Variants in NLRP1 observed in about 807,000 individuals in gnomAD.
NLRP1 encodes NACHT, LRR and PYD domains-containing protein 1.
Under a neutral mutation model 136.7 loss-of-function variants are expected in NLRP1, and 94 were observed. That is an observed-to-expected ratio of 0.69 (90% CI 0.58 to 0.82). NLRP1 has a LOEUF of 0.82. NLRP1 is among the 40% of genes least tolerant of loss of function. NLRP1 has a pLI of 0.00. For missense variants in NLRP1, 1,575 were observed against 1,802.7 expected, an observed-to-expected ratio of 0.87 and a Z score of 2.29; for synonymous variants, 690 against 725.1, an observed-to-expected ratio of 0.95 and a Z score of 0.78.
At chr17:5,568,330 T>C (rs1915536970) in intron 3 of NLRP1, among the ~76,000 whole-genome samples, 1 of 152,202 alleles carries the variant, frequency 6.6e-6, no homozygotes, top group African/African-American at 2.4e-5. Context: ...GCTGGATCCA[T>C]TCTGCTATGA....
At chr17:5,544,175 A>T (rs1369138585) in intron 5 of NLRP1, among the ~76,000 whole-genome samples, 1 of 151,928 alleles carries the variant, frequency 6.6e-6, no homozygotes, top group African/African-American at 2.4e-5. Context: ...TGGGGCCCCC[A>T]CTCAACCTCA....
At position 5,527,850 on chromosome 17, in the gene NLRP1, C is replaced by T. The variant is rs1168323787; in HGVS notation, c.3520+2631G>A. Among the ~76,000 whole-genome samples, 4 of 152,236 alleles carry T rather than the reference C, an allele frequency of 2.6e-5. No homozygotes were observed. In the East Asian group the frequency reaches 7.7e-4, roughly 29 times the overall value. On this transcript the variant is annotated intron_variant, in intron 12 of 16. Coordinates refer to ENST00000572272, the MANE Select transcript of NLRP1 (RefSeq NM_033004.4). ...ACCCAATTCCTTGGACAAATCCCGT[C>T]TCCCAGGCCCACTTGATGCACGCAG... is the stretch of plus-strand genomic sequence containing the variant.
chr17:5,555,459 G>A (rs1913926612), intron 4 of NLRP1, among the ~76,000 whole-genome samples: 1 of 151,984 alleles, frequency 6.6e-6, no homozygotes, highest in South Asian at 2.1e-4. Flanking sequence ...CTTTCCCACG[G>A]CATTCTCTTA....
intron 3 of NLRP1, among the ~76,000 whole-genome samples, chr17:5,575,350 C>A (rs975821116): frequency 6.6e-6 from 1 of 152,124 alleles, no homozygotes; most frequent in South Asian, 2.1e-4. Flanking sequence ...AGAGTCAAGA[C>A]CCATCAGTGT....
chr17:5,576,267 AC>A (rs1170703782), intron 3 of NLRP1, among the ~76,000 whole-genome samples: 1 of 152,244 alleles, frequency 6.6e-6, no homozygotes, highest in African/African-American at 2.4e-5. Context: ...GCAAGAAATA[AC>A]TAAGATCAGA....
At chr17:5,570,390 G>A (rs967273439) in intron 3 of NLRP1, among the ~76,000 whole-genome samples, 6 of 151,310 alleles carry the variant, frequency 4.0e-5, no homozygotes, top group Admixed American at 3.3e-4. Flanking sequence ...AAAAAAGACA[G>A]AAGATCCAAA....
intron 5 of NLRP1, among the ~76,000 whole-genome samples, chr17:5,542,924 G>A (rs1018869331): frequency 7.2e-5 from 11 of 152,070 alleles, no homozygotes; most frequent in Non-Finnish European, 1.2e-4. Flanking sequence ...CCGCGCCCTG[G>A]GTTCAAGTGA....
At chr17:5,571,613 A>G (rs79872695) in intron 3 of NLRP1, among the ~76,000 whole-genome samples, 2,987 of 152,280 alleles carry the variant, frequency 0.02, 48 homozygotes, top group East Asian at 0.082. Context: ...ACACACACAA[A>G]TGGAAAACAT....
chr17:5,559,823 G>T lies in NLRP1; in HGVS notation c.873C>A (p.Ser291Arg). Residue 291 changes from serine (S) to arginine (R), a missense_variant, in exon 4 of 17, where the codon AGC becomes AGA. Transcript: ENST00000572272. ...LLLLQRPHPR[S>R]QDPLVKRSWP... ...AGCTTCTCTTGACCAGGGGATCTTGGCTTCTGGGGTGAGGTCTTTGTAGAA... is the reference window on the plus strand; with the variant it reads ...AGCTTCTCTTGACCAGGGGATCTTGTCTTCTGGGGTGAGGTCTTTGTAGAA... The T allele has an allele frequency of 1.2e-6, 2 of 1,614,220 alleles. No individual in the cohort carries two copies. The highest frequency in any genetic ancestry group is 1.7e-6 in the Non-Finnish European group (2 of 1,180,030).
chr17:5,559,139 C>G lies in NLRP1; in HGVS notation c.1557G>C (p.Val519=). ...SNKELWALCL[V]PWVSWLACTC... ...TGCAGGCCAGCCAGGACACCCAGGG[C>G]ACAAGACACAGGGCCCAGAGCTCTT... Residue 519 remains valine (V), a synonymous_variant, in exon 4 of 17, where the codon GTG becomes GTC. Transcript: ENST00000572272. The G allele has an allele frequency of 6.2e-7, 1 of 1,614,174 alleles. No individual in the cohort carries two copies. Among genetic ancestry groups the G allele is most frequent in the South Asian group, 1.1e-5 (1 of 91,080 alleles).
At chr17:5,552,355 A>G (rs1343696293) in intron 5 of NLRP1, among the ~76,000 whole-genome samples, 2 of 152,176 alleles carry the variant, frequency 1.3e-5, no homozygotes, top group Non-Finnish European at 2.9e-5. Context: ...TGGTCAGAGA[A>G]TATACTTTGT....
intron 3 of NLRP1, among the ~76,000 whole-genome samples, chr17:5,564,544 T>C (rs1382924656): frequency 1.3e-5 from 2 of 152,190 alleles, no homozygotes; most frequent in African/African-American, 2.4e-5. Context: ...TTCTCTTTGA[T>C]GGCTGAATAG....
chr17:5,506,902 C>CAAAAAAAAAAAAAAAAAA (rs199684717), intron 15 of NLRP1, among the ~76,000 whole-genome samples: 1 of 88,788 alleles, frequency 1.1e-5, no homozygotes, highest in African/African-American at 3.6e-5. Context: ...AACTCCATCT[C>CAAAAAAAAAAAAAAAAAA]AAAAAAAAAA....
At chr17:5,521,287 G>A (rs11653450) in intron 13 of NLRP1, among the ~76,000 whole-genome samples, 8,975 of 152,240 alleles carry the variant, frequency 0.059, 317 homozygotes, top group Middle Eastern at 0.099. Flanking sequence ...GACAGGGGCC[G>A]TAAGAAACTG....
At chr17:5,529,848 G>A in intron 12 of NLRP1, 1 of 376,848 alleles carries the variant, frequency 2.7e-6, no homozygotes, top group South Asian at 2.0e-5. Context: ...ACTGATTCTG[G>A]TATCTGTCGT....
intron 4 of NLRP1, among the ~76,000 whole-genome samples, chr17:5,556,405 GAT>G (rs1376566949): frequency 1.3e-5 from 2 of 149,494 alleles, no homozygotes; most frequent in Non-Finnish European, 3.0e-5. Flanking sequence ...AGTGAGCTGT[GAT>G]TGCACCACTG....
At chr17:5,534,131 A>G in intron 8 of NLRP1, 143 bp from the exon 9 acceptor site, 1 of 714,884 alleles carries the variant, frequency 1.4e-6, no homozygotes. Context: ...GGAGGCCGGG[A>G]TGGGTGGATA....
At chr17:5,577,834 G>A (rs559084799) in intron 3 of NLRP1, among the ~76,000 whole-genome samples, 2,684 of 152,262 alleles carry the variant, frequency 0.018, 67 homozygotes, top group African/African-American at 0.062. Context: ...AAAGCTGGAG[G>A]CATCATGCTA....
At chr17:5,544,649 T>C (rs113943608) in intron 5 of NLRP1, among the ~76,000 whole-genome samples, 3 of 152,096 alleles carry the variant, frequency 2.0e-5, no homozygotes, top group Admixed American at 6.5e-5. Context: ...CTGTGATAGG[T>C]TGAGAGAGAA....
Sources: allele counts gnomAD v4.1 joint callset (sites outside exome capture counted in the v4.1 genomes callset), GRCh38; gene constraint gnomAD v4.1.1; transcripts MANE v1.5; gene names NCBI Gene and HGNC (gene_info 2026-07-23, HGNC 2026-07-21).